FHIT: variants seen among roughly 807,000 people sequenced by gnomAD.
The protein encoded by FHIT is bis(5'-adenosyl)-triphosphatase.
FHIT carries 19 observed loss-of-function variants against 17.9 expected under a neutral mutation model. That is an observed-to-expected ratio of 1.06 (90% CI 0.74 to 1.56). The LOEUF (loss-of-function observed/expected upper bound fraction) is 1.56. Among genes scored for constraint, FHIT ranks in the 40% most tolerant of loss-of-function variants. The probability of loss-of-function intolerance (pLI) is 0.00; values close to 1 mark genes in which losing one functional copy is unlikely to be tolerated. For synonymous variants in FHIT, 81 were observed against 69.7 expected (o/e 1.16, Z -0.81); for missense variants, 248 against 189.2 (o/e 1.31, Z -1.82).
At chr3:61,065,747 C>T (rs1575948730) in intron 2 of FHIT, among the ~76,000 whole-genome samples, 1 of 147,688 alleles carries the variant, frequency 6.8e-6, no homozygotes, top group East Asian at 1.9e-4. Flanking sequence ...CACTACCTCC[C>T]ACCTCAAAAA....
intron 3 of FHIT, among the ~76,000 whole-genome samples, chr3:60,832,669 C>T (rs1268333117): frequency 3.3e-5 from 5 of 150,600 alleles, no homozygotes; most frequent in African/African-American, 1.2e-4. Flanking sequence ...TGATAATGTG[C>T]TGCTTTAAAT....
At chr3:60,232,601 C>T (rs1040746069) in intron 5 of FHIT, among the ~76,000 whole-genome samples, 1 of 152,166 alleles carries the variant, frequency 6.6e-6, no homozygotes, top group Admixed American at 6.5e-5. Context: ...TATTAGCGTC[C>T]CACATTCGCT....
intron 5 of FHIT, among the ~76,000 whole-genome samples, chr3:60,381,890 A>G (rs1700814285): frequency 6.6e-6 from 1 of 152,184 alleles, no homozygotes; most frequent in South Asian, 2.1e-4. Flanking sequence ...CATGTGTCTC[A>G]GAAAATGTGT....
At chr3:59,973,386 T>C (rs1327080041) in intron 7 of FHIT, among the ~76,000 whole-genome samples, 2 of 152,092 alleles carry the variant, frequency 1.3e-5, no homozygotes, top group African/African-American at 4.8e-5. Context: ...TTCTCTTGCC[T>C]TGTGCTCCCA....
At chr3:59,963,533 G>A (rs1325505515) in intron 7 of FHIT, among the ~76,000 whole-genome samples, 3 of 152,160 alleles carry the variant, frequency 2.0e-5, no homozygotes, top group African/African-American at 7.2e-5. Flanking sequence ...ATCTCATTCA[G>A]TGGATAGGGA....
At chr3:60,098,947 T>C (rs990524765) in intron 5 of FHIT, among the ~76,000 whole-genome samples, 2 of 152,130 alleles carry the variant, frequency 1.3e-5, no homozygotes, top group East Asian at 1.9e-4. Context: ...AGCTCACCAA[T>C]GTTTACCTGA....
intron 5 of FHIT, among the ~76,000 whole-genome samples, chr3:60,427,935 A>T (rs915467569): frequency 1.3e-5 from 2 of 152,150 alleles, no homozygotes; most frequent in Non-Finnish European, 2.9e-5. Flanking sequence ...GTTTGTAAAC[A>T]TCACTAGGAC....
chr3:60,503,920 T>C (rs1247871859), intron 5 of FHIT, among the ~76,000 whole-genome samples: 1 of 152,216 alleles, frequency 6.6e-6, no homozygotes, highest in Non-Finnish European at 1.5e-5. Flanking sequence ...ATTAAATTCT[T>C]GCTCATTTTA....
chr3:60,786,367 C>T (rs1167323963), intron 4 of FHIT, among the ~76,000 whole-genome samples: 3 of 152,136 alleles, frequency 2.0e-5, no homozygotes, highest in African/African-American at 7.2e-5. Flanking sequence ...TAGTTGATAT[C>T]TTAAAACAAA....
chr3:60,825,572 G>T (rs111744576), intron 3 of FHIT, among the ~76,000 whole-genome samples: 1 of 152,100 alleles, frequency 6.6e-6, no homozygotes, highest in African/African-American at 2.4e-5. Context: ...GAGCATTACC[G>T]CCTGAGCTCC....
intron 4 of FHIT, among the ~76,000 whole-genome samples, chr3:60,618,598 T>C (rs1480826768): frequency 6.6e-6 from 1 of 152,230 alleles, no homozygotes; most frequent in Non-Finnish European, 1.5e-5. Context: ...AAACAAGTTC[T>C]ACTGTGGCAG....
chr3:61,057,353 CT>C (rs932970633), intron 2 of FHIT, among the ~76,000 whole-genome samples: 13 of 152,096 alleles, frequency 8.5e-5, no homozygotes, highest in African/African-American at 2.9e-4. Context: ...GTTCATAAGA[CT>C]TTTTTTTCCC....
In FHIT at chr3:61,102,547, A is replaced by G. The variant is rs1296188430; in HGVS notation, c.-163-60448T>C. ...TGTTGTGTCTCTTCCAGGCTTTGGTATCAGGATGATGTTGGCCTCATAAAA... is the reference window on the plus strand; with the variant it reads ...TGTTGTGTCTCTTCCAGGCTTTGGTGTCAGGATGATGTTGGCCTCATAAAA... On this transcript the variant is annotated intron_variant, in intron 2 of 9. Transcript: ENST00000492590. Among the ~76,000 whole-genome samples the G allele has an allele frequency of 2.6e-5, 4 of 152,178 alleles. No individual in the cohort carries two copies. The East Asian group carries it at 7.7e-4, about 29-fold the overall frequency.
chr3:59,955,745 C>A (rs1021585887), intron 7 of FHIT, among the ~76,000 whole-genome samples: 2 of 152,192 alleles, frequency 1.3e-5, no homozygotes, highest in South Asian at 2.1e-4. Flanking sequence ...TCCTCTCCCC[C>A]TCTCCCAACA....
intron 4 of FHIT, among the ~76,000 whole-genome samples, chr3:60,816,139 G>C (rs1553737635): frequency 6.6e-6 from 1 of 151,976 alleles, no homozygotes; most frequent in Non-Finnish European, 1.5e-5. Flanking sequence ...GGAGGCTTTT[G>C]GTGGCGTCTT....
chr3:60,827,039 T>C (rs1202325371), intron 3 of FHIT, among the ~76,000 whole-genome samples: 1 of 152,132 alleles, frequency 6.6e-6, no homozygotes, highest in African/African-American at 2.4e-5. Flanking sequence ...AAGAGTTTGC[T>C]TTAGGATAAT....
intron 4 of FHIT, among the ~76,000 whole-genome samples, chr3:60,564,970 G>T (rs1212048397): frequency 6.6e-6 from 1 of 152,126 alleles, no homozygotes; most frequent in East Asian, 1.9e-4. Flanking sequence ...ATTAAAGGAA[G>T]AATCAATCAG....
intron 8 of FHIT, among the ~76,000 whole-genome samples, chr3:59,887,452 G>A (rs1703674898): frequency 6.6e-6 from 1 of 152,104 alleles, no homozygotes; most frequent in South Asian, 2.1e-4. Context: ...TGCAAATACA[G>A]CCCCCTCTGG....
chr3:60,287,303 G>A (rs1328918112), intron 5 of FHIT, among the ~76,000 whole-genome samples: 1 of 152,060 alleles, frequency 6.6e-6, no homozygotes, highest in Non-Finnish European at 1.5e-5. Context: ...CCAGTAGCTG[G>A]GATTACAGGT....
Sources: gnomAD v4.1 joint callset for allele counts (sites outside exome capture counted in the v4.1 genomes callset) on GRCh38, gnomAD v4.1.1 for gene constraint, MANE v1.5 for transcripts, NCBI Gene and HGNC (gene_info 2026-07-23, HGNC 2026-07-21) for gene names.